B4GALNT4: variants seen among roughly 807,000 people sequenced by gnomAD.
B4GALNT4 encodes beta-1,4-N-acetyl-galactosaminyltransferase 4.
Under a neutral mutation model 110.0 loss-of-function variants are expected in B4GALNT4, and 77 were observed. The ratio of observed to expected loss-of-function variants is 0.70; its 90% CI spans 0.58 to 0.85. The LOEUF (loss-of-function observed/expected upper bound fraction) is 0.85. B4GALNT4 is among the 40% of genes least tolerant of loss of function. The pLI is 0.00. For missense variants in B4GALNT4, 1,575 were observed against 1,506.0 expected, an observed-to-expected ratio of 1.05 and a Z score of -0.76; for synonymous variants, 785 against 655.5, an observed-to-expected ratio of 1.20 and a Z score of -3.02.
At position 380,399 on chromosome 11, in the gene B4GALNT4, C is replaced by A. The variant is rs1290712222; in HGVS notation, c.2823C>A (p.Pro941=). The change falls in exon 18 of 20, where the codon CCC becomes CCA. Residue 941 remains proline, a synonymous_variant. Transcript: ENST00000329962. The part of the protein sequence containing the change: ...HCVEGRLAFA[P]VVMRLSCGSS... The stretch of plus-strand genomic sequence containing the variant: ...TGGAGGGCAGGCTGGCCTTCGCGCC[C>A]GTGGTCATGCGCCTGAGCTGCGGGA... The A allele has an allele frequency of 6.2e-7, 1 of 1,612,424 alleles. No individual in the cohort carries two copies. The highest frequency in any genetic ancestry group is 1.3e-5 in the African/African-American group (1 of 74,994).
chr11:380,775 C>CG (rs759618647), intron 18 of B4GALNT4, 50 bp from the exon 19 acceptor site: 4 of 1,518,264 alleles, frequency 2.6e-6, no homozygotes, highest in Admixed American at 1.9e-5. Flanking sequence ...GCCGGGGGGA[C>CG]CTTGCAGGAC....
chr11:379,767 G>T, intron 15 of B4GALNT4, 66 bp downstream of exon 15: 1 of 1,506,940 alleles, frequency 6.6e-7, no homozygotes, highest in South Asian at 1.3e-5. Flanking sequence ...TAATGACTAG[G>T]AAAGGGTGTG....
At position 376,765 on chromosome 11, in the gene B4GALNT4, C is replaced by T. The variant is rs1260850619; in HGVS notation, c.1642C>T (p.Pro548Ser). The T allele has an allele frequency of 3.2e-5, 45 of 1,385,766 alleles. No individual in the cohort carries two copies. Among genetic ancestry groups the T allele is most frequent in the Non-Finnish European group, 4.1e-5 (44 of 1,073,444 alleles). 85.8% of individuals were successfully genotyped at this position (1,385,766 alleles called of 1,614,324 possible). A position where few individuals can be genotyped will look rare whatever the true frequency, so the allele number is the denominator to read the frequency against. Residue 548 changes from proline to serine, a missense_variant, in exon 14 of 20, where the codon CCG becomes TCG. Pro to Ser is a moderately conservative substitution (Grantham distance 74). Coordinates refer to ENST00000329962, the MANE Select transcript of B4GALNT4 (RefSeq NM_178537.5). ...PRAPAPRAPW[P>S]PFPGVFLHPR... ...GGCCCCAGCGCCGCGTGCGCCCTGGCCGCCCTTCCCTGGCGTCTTCCTGCA... is the reference window on the plus strand; with the variant it reads ...GGCCCCAGCGCCGCGTGCGCCCTGGTCGCCCTTCCCTGGCGTCTTCCTGCA...
In B4GALNT4 at chr11:375,893, C is replaced by T. The variant is rs1035639538; in HGVS notation, c.1032C>T (p.Cys344=). The change falls in exon 11 of 20, where the codon TGC becomes TGT. Residue 344 remains cysteine, a synonymous_variant. Transcript: ENST00000329962. ...SSSLENVLEP[C]AYAPTYVVKD... ...GCCTGGAGAACGTGCTGGAGCCCTG[C>T]GCCTACGCCCCCACCTACGTGGTCA... The T allele has an allele frequency of 3.1e-6, 5 of 1,611,836 alleles. No homozygotes were observed. The highest frequency in any genetic ancestry group is 4.2e-6 in the Non-Finnish European group (5 of 1,179,504).
chr11:373,628 G>A (rs369181766), intron 7 of B4GALNT4, 112 bp downstream of exon 7: 79 of 1,518,584 alleles, frequency 5.2e-5, no homozygotes, highest in Non-Finnish European at 6.8e-5. Flanking sequence ...GCACCCGCCC[G>A]GCCAAGCTGC....
intron 1 of B4GALNT4, among the ~76,000 whole-genome samples, chr11:370,840 A>G (rs1846604728): frequency 6.6e-6 from 1 of 151,808 alleles, no homozygotes; most frequent in Non-Finnish European, 1.5e-5. Context: ...CTCCTGGGCC[A>G]CTCCACCTGC....
chr11:370,720 G>A (rs1053125514), intron 1 of B4GALNT4, among the ~76,000 whole-genome samples: 4 of 152,142 alleles, frequency 2.6e-5, no homozygotes, highest in Non-Finnish European at 4.4e-5. Context: ...CTCTGGAGGA[G>A]GGAGGTTAGT....
At chr11:379,291 T>A in intron 14 of B4GALNT4, 127 bp from the exon 15 acceptor site, 4 of 1,069,124 alleles carry the variant, frequency 3.7e-6, no homozygotes, top group Non-Finnish European at 5.1e-6. Context: ...GGGCAGGTGC[T>A]GTGCCGCGGA....
chr11:372,601 G>C (rs958641071), intron 2 of B4GALNT4, 61 bp from the exon 3 acceptor site: 58 of 1,352,062 alleles, frequency 4.3e-5, no homozygotes, highest in Non-Finnish European at 5.3e-5. Context: ...GTTTGTCTTG[G>C]TGTGTGTGAC....
At position 375,854 on chromosome 11, in the gene B4GALNT4, C is replaced by T. The variant is rs1376076268; in HGVS notation, c.993C>T (p.Arg331=). Reference sequence around the variant, plus strand: ...TGACCGCACCTCCTGCAGCTCCACGCATGGAATCTTCGAGCCTGGAGAACG... The same window carrying T: ...TGACCGCACCTCCTGCAGCTCCACGTATGGAATCTTCGAGCCTGGAGAACG... ...DPRDTFFLTP[R]MESSSLENVL... is the part of the protein sequence containing the mutation. The change falls in exon 11 of 20, where the codon CGC becomes CGT. Residue 331 remains arginine, a synonymous_variant. Coordinates refer to ENST00000329962, the MANE Select transcript of B4GALNT4 (RefSeq NM_178537.5). 7 of 1,610,000 alleles carry T rather than the reference C, an allele frequency of 4.3e-6. No homozygotes were observed. The Admixed American group carries it at 5.0e-5, about 12-fold the overall frequency.
Position 376,764 on chromosome 11 carries a change from G to A in B4GALNT4, c.1641G>A (p.Trp547Ter). The change falls in exon 14 of 20, where the codon TGG becomes TGA. Residue 547 changes from tryptophan (W) to a stop codon, truncating the protein, a stop_gained. Transcript: ENST00000329962. LOFTEE classifies it high-confidence loss of function. ...GGGCCCCAGCGCCGCGTGCGCCCTGGCCGCCCTTCCCTGGCGTCTTCCTGC... is the reference window on the plus strand; with the variant it reads ...GGGCCCCAGCGCCGCGTGCGCCCTGACCGCCCTTCCCTGGCGTCTTCCTGC... The part of the protein sequence containing the change: ...SPRAPAPRAP[W>*]PPFPGVFLHP... 1 of 1,386,398 alleles carries A rather than the reference G, an allele frequency of 7.2e-7. No individual in the cohort carries two copies. 85.9% of individuals were successfully genotyped at this position (1,386,398 alleles called of 1,614,324 possible).
intron 14 of B4GALNT4, among the ~76,000 whole-genome samples, chr11:377,971 C>T (rs1846794212): frequency 6.6e-6 from 1 of 152,206 alleles, no homozygotes; most frequent in Admixed American, 6.5e-5. Flanking sequence ...CTGTGCCCAG[C>T]CTTGAAGGCG....
chr11:377,140 G>A lies in B4GALNT4; in HGVS notation c.2017G>A (p.Gly673Arg), dbSNP rs1313701049. 2 of 1,522,998 alleles carry A rather than the reference G, an allele frequency of 1.3e-6. No individual in the cohort carries two copies. Among genetic ancestry groups the A allele is most frequent in the Admixed American group, 2.2e-5 (1 of 46,384 alleles). 94.3% of individuals were successfully genotyped at this position (1,522,998 alleles called of 1,614,324 possible). Residue 673 changes from glycine (G) to arginine (R), a missense_variant, in exon 14 of 20, where the codon GGA becomes AGA. By Grantham distance (125) the Gly-to-Arg change is moderately radical (BLOSUM62 -2). Coordinates refer to ENST00000329962, the MANE Select transcript of B4GALNT4 (RefSeq NM_178537.5). ...DSEEAAGPAL[G>R]RWREDAIDWQ... ...CGAGGAGGCCGCGGGCCCGGCGCTC[G>A]GACGCTGGCGTGAGGACGCCATCGA...
In B4GALNT4 at chr11:375,783, G is replaced by C; in HGVS notation, c.985+10G>C. Reference sequence around the variant, plus strand: ...GATACCTTTTTCCTCAGTGAGAGGGGGCCCGCGCGGGGGCGAGGGCGGGGG... The same window carrying C: ...GATACCTTTTTCCTCAGTGAGAGGGCGCCCGCGCGGGGGCGAGGGCGGGGG... On this transcript the variant is annotated intron_variant, in intron 10 of 19. Coordinates refer to ENST00000329962, the MANE Select transcript of B4GALNT4 (RefSeq NM_178537.5). The C allele has an allele frequency of 6.2e-7, 1 of 1,600,254 alleles. No individual in the cohort carries two copies. Among genetic ancestry groups the C allele is most frequent in the Non-Finnish European group, 8.5e-7 (1 of 1,176,756 alleles).
chr11:370,401 G>A (rs1214270304), intron 1 of B4GALNT4, among the ~76,000 whole-genome samples: 1 of 151,744 alleles, frequency 6.6e-6, no homozygotes, highest in Admixed American at 6.6e-5. Flanking sequence ...CTGGGGACCC[G>A]GGCCGGGGCT....
At chr11:374,168 T>G (rs1846677405) in intron 8 of B4GALNT4, among the ~76,000 whole-genome samples, 1 of 152,066 alleles carries the variant, frequency 6.6e-6, no homozygotes. Context: ...AGGAGGGGTC[T>G]GGTGGCCAGA....
Position 378,093 on chromosome 11 carries a change from G to A in B4GALNT4, c.2204+766G>A, listed in dbSNP as rs138612627. On this transcript the variant is annotated intron_variant, in intron 14 of 19. Transcript: ENST00000329962. ...AGGTTGCGAGCAGAGCAAAGCCAGG[G>A]GCAGAGGATGGAGACAGGGCCAGGA... 8.4e-3 allele frequency among the ~76,000 whole-genome samples: 1,285 copies of A among 152,144 alleles called. 25 individuals carry two copies. Among genetic ancestry groups the A allele is most frequent in the African/African-American group, 0.03 (1,243 of 41,502 alleles).
At chr11:378,811 C>T (rs1259030579) in intron 14 of B4GALNT4, among the ~76,000 whole-genome samples, 1 of 152,082 alleles carries the variant, frequency 6.6e-6, no homozygotes, top group Admixed American at 6.6e-5. Context: ...AGGAGCGGAA[C>T]TGCTGCCTGG....
At position 369,755 on chromosome 11, in the gene B4GALNT4, G is replaced by A. The variant is rs1001513325; in HGVS notation, c.-49G>A. ...GGCGCGGGGCGGGCGGGGGCCGGGG[G>A]CTGCAGCGGCGCCGCTGAGCGCGGC... On this transcript the variant is annotated 5_prime_UTR_variant, in exon 1 of 20. Transcript: ENST00000329962. 36 of 920,776 alleles carry A rather than the reference G, an allele frequency of 3.9e-5. No individual in the cohort carries two copies. Among genetic ancestry groups the A allele is most frequent in the South Asian group, 4.8e-5 (1 of 20,920 alleles). The allele number at this position is 920,776 out of a possible 1,614,324, so 57.0% of individuals were successfully genotyped here. A position where few individuals can be genotyped will look rare whatever the true frequency, so the allele number is the denominator to read the frequency against.
Sources: gnomAD v4.1 joint callset for allele counts (sites outside exome capture counted in the v4.1 genomes callset) on GRCh38, gnomAD v4.1.1 for gene constraint, MANE v1.5 for transcripts, NCBI Gene and HGNC (gene_info 2026-07-23, HGNC 2026-07-21) for gene names.